The following EYS variants were observed in gnomAD, a reference collection of about 807,000 sequenced individuals.
EYS encodes protein eyes shut homolog.
In EYS, 250 loss-of-function variants were observed where a neutral mutation model predicts 282.1. The observed-to-expected ratio is 0.89, with a 90% CI of 0.80 to 0.98. The LOEUF (loss-of-function observed/expected upper bound fraction) is 0.98. Ranked by LOEUF, EYS falls within the 50% of genes least tolerant of loss-of-function variation. The pLI, the probability that EYS is intolerant of heterozygous loss-of-function variation, is 0.00. For missense variants in EYS, 4,016 were observed against 3,709.0 expected (o/e 1.08, Z -2.15); for synonymous variants, 1,355 against 1,282.9 (o/e 1.06, Z -1.20).
chr6:65,028,796 A>T (rs746309300), intron 13 of EYS, among the ~76,000 whole-genome samples: 7 of 152,088 alleles, frequency 4.6e-5, no homozygotes, highest in Non-Finnish European at 7.4e-5. Flanking sequence ...AACTATAAAC[A>T]TGTATTTTTG....
chr6:63,836,031 A>G (rs1327072785), intron 36 of EYS, among the ~76,000 whole-genome samples: 2 of 152,090 alleles, frequency 1.3e-5, no homozygotes, highest in African/African-American at 2.4e-5. Flanking sequence ...TAATGCTCCT[A>G]TGAAAATTAT....
At chr6:63,738,734 T>C (rs1381453637) in intron 41 of EYS, among the ~76,000 whole-genome samples, 1 of 152,070 alleles carries the variant, frequency 6.6e-6, no homozygotes, top group African/African-American at 2.4e-5. Context: ...ACTTAAAGTA[T>C]AATTATAAAA....
chr6:64,613,123 A>T (rs530959736), intron 24 of EYS, among the ~76,000 whole-genome samples: 2 of 152,278 alleles, frequency 1.3e-5, no homozygotes, highest in African/African-American at 2.4e-5. Flanking sequence ...CAGCTGGTGT[A>T]GTTAGAGTAC....
intron 31 of EYS, among the ~76,000 whole-genome samples, chr6:64,137,418 G>T (rs905305622): frequency 2.6e-5 from 4 of 152,164 alleles, no homozygotes; most frequent in African/African-American, 7.2e-5. Context: ...TAGTGCAAGA[G>T]ACCTAGCATT....
chr6:63,735,756 C>T (rs748328842), intron 41 of EYS, among the ~76,000 whole-genome samples: 10 of 152,130 alleles, frequency 6.6e-5, no homozygotes, highest in African/African-American at 1.2e-4. Context: ...CCTTTCTTGT[C>T]CAGGATGCCC....
At chr6:64,464,037 T>C (rs535296771) in intron 26 of EYS, among the ~76,000 whole-genome samples, 1 of 152,260 alleles carries the variant, frequency 6.6e-6, no homozygotes, top group East Asian at 1.9e-4. Flanking sequence ...GATACTCCTA[T>C]ATACTTCTCA....
intron 24 of EYS, among the ~76,000 whole-genome samples, chr6:64,598,987 G>A (rs920666928): frequency 6.6e-6 from 1 of 152,118 alleles, no homozygotes; most frequent in African/African-American, 2.4e-5. Context: ...CCTGCGGGCA[G>A]GAAAATGCTT....
chr6:65,132,062 T>G (rs1465565920), intron 12 of EYS, among the ~76,000 whole-genome samples: 1 of 151,950 alleles, frequency 6.6e-6, no homozygotes, highest in South Asian at 2.1e-4. Context: ...GCTCTGAAAT[T>G]GAATCAATAA....
rs1157635508 is a variant in EYS, at chr6:64,886,712, C to A, written c.2977G>T (p.Ala993Ser). 6.5e-7 allele frequency: 1 copy of A among 1,545,106 alleles called. No individual in the cohort carries two copies. The highest frequency in any genetic ancestry group is 1.2e-5 in the South Asian group (1 of 83,196). The part of the protein sequence containing the change: ...YRTDGYNCLC[A>S]PGYTGINCEI... The stretch of plus-strand genomic sequence containing the variant: ...ATGGATTTACCTGTATAACCAGGGG[C>A]ACAGAGGCAGTTGTATCCATCAGTC... Residue 993 changes from alanine to serine, a missense_variant, in exon 19 of 43, where the codon GCC (alanine) becomes TCC (serine). Ala to Ser is a moderately conservative substitution (Grantham distance 99). Coordinates refer to ENST00000503581, the MANE Select transcript of EYS (RefSeq NM_001142800.2).
intron 35 of EYS, among the ~76,000 whole-genome samples, chr6:63,868,940 A>T (rs1399329490): frequency 6.6e-6 from 1 of 152,198 alleles, no homozygotes. Flanking sequence ...TTGTGCTGTA[A>T]GGCACACCAC....
intron 29 of EYS, among the ~76,000 whole-genome samples, chr6:64,361,210 G>GT (rs1256024379): frequency 3.2e-4 from 23 of 71,074 alleles, no homozygotes; most frequent in East Asian, 7.8e-4. Flanking sequence ...CAGAAAATAT[G>GT]GTTTTTTTTT....
intron 28 of EYS, among the ~76,000 whole-genome samples, chr6:64,429,220 A>C (rs1217928981): frequency 1.3e-5 from 2 of 152,164 alleles, no homozygotes; most frequent in African/African-American, 4.8e-5. Flanking sequence ...ATAATAGGTA[A>C]TATGTTTTCA....
At chr6:64,260,533 T>C (rs1489206230) in intron 30 of EYS, among the ~76,000 whole-genome samples, 1 of 152,086 alleles carries the variant, frequency 6.6e-6, no homozygotes, top group Non-Finnish European at 1.5e-5. Flanking sequence ...GGAGGTACTG[T>C]TAGAATTTTG....
intron 29 of EYS, among the ~76,000 whole-genome samples, chr6:64,319,902 T>G (rs910928430): frequency 6.6e-6 from 1 of 152,020 alleles, no homozygotes; most frequent in African/African-American, 2.4e-5. Context: ...CACTCTTAAT[T>G]TGCCTTGCAG....
rs1773343814 is a variant in EYS at position 64,766,584 on chromosome 6, A to T, written c.3443+46794T>A. On this transcript the variant is annotated intron_variant, in intron 22 of 42. Transcript: ENST00000503581. ...GAGACGGAGTTTGCAGTGAGCCAAG[A>T]TCATGCCATTGCACTCCAGCCTGGG... is the stretch of plus-strand genomic sequence containing the variant. Among the ~76,000 whole-genome samples, 5 of 137,276 alleles carry T rather than the reference A, an allele frequency of 3.6e-5. No individual in the cohort carries two copies. In the South Asian group the frequency reaches 1.2e-3, roughly 33 times the overall value. The allele number at this position is 137,276 out of a possible 152,430, so 90.1% of individuals were successfully genotyped here.
At chr6:65,302,324 A>G (rs1768866372) in intron 11 of EYS, among the ~76,000 whole-genome samples, 2 of 152,206 alleles carry the variant, frequency 1.3e-5, no homozygotes, top group South Asian at 4.1e-4. Context: ...CAGGCGTAAT[A>G]GATTGGAACT....
chr6:64,601,273 C>T (rs1766751356), intron 24 of EYS, among the ~76,000 whole-genome samples: 1 of 152,046 alleles, frequency 6.6e-6, no homozygotes, highest in Non-Finnish European at 1.5e-5. Flanking sequence ...CTTCACACTT[C>T]TCTGAAATAC....
intron 26 of EYS, among the ~76,000 whole-genome samples, chr6:64,527,344 G>A (rs1294875821): frequency 6.6e-6 from 1 of 151,670 alleles, no homozygotes; most frequent in African/African-American, 2.4e-5. Flanking sequence ...CAGGCCTAAG[G>A]GCCTTCTTCT....
intron 7 of EYS, among the ~76,000 whole-genome samples, chr6:65,390,670 C>T (rs1765992600): frequency 6.6e-6 from 1 of 151,742 alleles, no homozygotes. Flanking sequence ...GATCGCTTGA[C>T]TCCAAGAGTT....
Sources: allele counts gnomAD v4.1 joint callset (sites outside exome capture counted in the v4.1 genomes callset), GRCh38; gene constraint gnomAD v4.1.1; transcripts MANE v1.5; gene names NCBI Gene and HGNC (gene_info 2026-07-23, HGNC 2026-07-21).